Variants in LIMK1 observed in about 807,000 individuals in gnomAD.
The protein encoded by LIMK1 is LIM motif-containing protein kinase.
Under a neutral mutation model 77.6 loss-of-function variants are expected in LIMK1, and 21 were observed. The ratio of observed to expected loss-of-function variants is 0.27; its 90% CI spans 0.19 to 0.39. The LOEUF (loss-of-function observed/expected upper bound fraction) is 0.39, where lower values mean the gene tolerates loss of function less well. LIMK1 is among the 10% of genes least tolerant of loss of function. The pLI is 1.00. For synonymous variants in LIMK1, 358 were observed against 370.0 expected (o/e 0.97, Z 0.37); for missense variants, 696 against 901.6 (o/e 0.77, Z 2.92).
chr7:74,108,740 G>A (rs1052833574), intron 9 of LIMK1, among the ~76,000 whole-genome samples, 165 bp from the exon 10 acceptor site: 22 of 151,906 alleles, frequency 1.4e-4, no homozygotes, highest in Admixed American at 1.4e-3. Context: ...CTCAAGCAGA[G>A]GGCACAGGAC....
intron 2 of LIMK1, among the ~76,000 whole-genome samples, chr7:74,089,704 G>A (rs191205804): frequency 6.6e-6 from 1 of 152,116 alleles, no homozygotes; most frequent in Non-Finnish European, 1.5e-5. Flanking sequence ...GGGGACATGG[G>A]CTATCCATGG....
At chr7:74,120,741 GC>G in intron 14 of LIMK1, 103 bp downstream of exon 14, 1 of 1,548,712 alleles carries the variant, frequency 6.5e-7, no homozygotes. Flanking sequence ...CAGGAAGCCT[GC>G]CCACAGCAAG....
At position 74,099,237 on chromosome 7, in the gene LIMK1, G is replaced by C. The variant is rs149379462; in HGVS notation, c.607G>C (p.Gly203Arg). The change falls in exon 5 of 16, where the codon GGA becomes CGA. Residue 203 changes from glycine to arginine, a missense_variant and splice_region_variant. Physicochemically the swap from Gly to Arg is moderately radical, Grantham distance 125. Coordinates refer to ENST00000336180, the MANE Select transcript of LIMK1 (RefSeq NM_002314.4). ...TEHSHTVRVQ[G>R]VDPGCMSPDV... ...GCACTCACACACCGTCCGCGTCCAG[G>C]GGTGAGTGGCCGGCCTGCCGAGGCT... 3.5e-5 allele frequency: 56 copies of C among 1,603,132 alleles called. No homozygotes were observed. The African/African-American group carries it at 4.8e-4, about 14-fold the overall frequency.
intron 13 of LIMK1, among the ~76,000 whole-genome samples, chr7:74,120,375 G>A (rs1799905826): frequency 6.6e-6 from 1 of 152,184 alleles, no homozygotes. Flanking sequence ...TCTGCCCCTT[G>A]CTCCTCAGAG....
intron 4 of LIMK1, among the ~76,000 whole-genome samples, 189 bp downstream of exon 4, chr7:74,097,378 T>C (rs1368205529): frequency 6.6e-6 from 1 of 152,168 alleles, no homozygotes; most frequent in Non-Finnish European, 1.5e-5. Flanking sequence ...GAAGTCAGTG[T>C]GAAAAAGCCT....
chr7:74,088,065 A>G (rs746090467), intron 2 of LIMK1, among the ~76,000 whole-genome samples: 1 of 152,134 alleles, frequency 6.6e-6, no homozygotes. Flanking sequence ...ATAAGCCACC[A>G]TGCCCAGCCT....
At position 74,107,090 on chromosome 7, in the gene LIMK1, C is replaced by G; in HGVS notation, c.962C>G (p.Ser321Cys). 6.2e-7 allele frequency: 1 copy of G among 1,611,664 alleles called. No homozygotes were observed. The highest frequency in any genetic ancestry group is 1.1e-5 in the South Asian group (1 of 90,674). Reference protein sequence around the residue: ...PASQRKDLGRSESLRVVCRPH... With the variant: ...PASQRKDLGRCESLRVVCRPH... ...TCCCAGCGCAAGGACCTGGGTCGCT[C>G]TGAGTCCCTCCGCGTAGTCTGCCGG... The change falls in exon 8 of 16, where the codon TCT (serine) becomes TGT (cysteine). Residue 321 changes from serine (S) to cysteine (C), a missense_variant. Around this residue, in one of 3 missense-constraint regions of LIMK1, gnomAD observed 438 missense variants for 602.3 expected, o/e 0.73. Transcript: ENST00000336180.
chr7:74,088,791 G>A (rs1554694393), intron 2 of LIMK1, among the ~76,000 whole-genome samples: 1 of 128,924 alleles, frequency 7.8e-6, no homozygotes, highest in East Asian at 2.5e-4. Flanking sequence ...GACAGAGCGA[G>A]ACTCCATCTC....
At chr7:74,093,019 C>A (rs1799266733) in intron 2 of LIMK1, 2 of 929,140 alleles carry the variant, frequency 2.2e-6, no homozygotes, top group East Asian at 5.7e-5. Context: ...GCTCGCTCCC[C>A]ACCCGCACCA....
At chr7:74,103,591 TA>T (rs1325910665) in intron 5 of LIMK1, among the ~76,000 whole-genome samples, 1 of 152,218 alleles carries the variant, frequency 6.6e-6, no homozygotes, top group Non-Finnish European at 1.5e-5. Context: ...TTGTCATCAA[TA>T]AACCATTTGT....
intron 5 of LIMK1, among the ~76,000 whole-genome samples, chr7:74,105,659 C>A (rs1799553218): frequency 6.6e-6 from 1 of 152,152 alleles, no homozygotes; most frequent in South Asian, 2.1e-4. Flanking sequence ...AGCGTGCCAC[C>A]TTTCTCCAGC....
intron 13 of LIMK1, among the ~76,000 whole-genome samples, chr7:74,116,614 T>C (rs1300052808): frequency 6.6e-6 from 1 of 151,872 alleles, no homozygotes; most frequent in Non-Finnish European, 1.5e-5. Context: ...TGCCCCCTCC[T>C]CTGTCTTCAG....
rs1563914652 is a variant in LIMK1 at position 74,096,607 on chromosome 7, G to GC, written c.153-11dup. ...GGGCGGGAGTGGACGTCTCAGCCCG[G>GC]CCCCTCTCCTGCAGGTGTTGTGACT... On this transcript the variant is annotated splice_polypyrimidine_tract_variant and intron_variant, in intron 2 of 15. Coordinates refer to ENST00000336180, the MANE Select transcript of LIMK1 (RefSeq NM_002314.4). 6.2e-7 allele frequency: 1 copy of GC among 1,613,848 alleles called. No individual in the cohort carries two copies. Among genetic ancestry groups the GC allele is most frequent in the Admixed American group, 1.7e-5 (1 of 60,006 alleles).
At chr7:74,087,874 GC>G (rs1483027215) in intron 2 of LIMK1, among the ~76,000 whole-genome samples, 1 of 152,014 alleles carries the variant, frequency 6.6e-6, no homozygotes, top group Non-Finnish European at 1.5e-5. Flanking sequence ...ACAGGCATGA[GC>G]CACTGCACCT....
In LIMK1 at chr7:74,111,693, A is replaced by G; in HGVS notation, c.1330A>G (p.Ile444Val). The change falls in exon 11 of 16, where the codon ATC becomes GTC. Residue 444 changes from isoleucine to valine, a missense_variant. By Grantham distance (29) the Ile-to-Val change is conservative. Transcript: ENST00000336180. Reference sequence around the variant, plus strand: ...CCAGAGAGTGAGCTTTGCCAAGGACATCGCATCAGGGATGGTGAGTGAGCC... The same window carrying G: ...CCAGAGAGTGAGCTTTGCCAAGGACGTCGCATCAGGGATGGTGAGTGAGCC... ...WSQRVSFAKD[I>V]ASGMAYLHSM... 1 of 1,613,336 alleles carries G rather than the reference A, an allele frequency of 6.2e-7. No individual in the cohort carries two copies. Among genetic ancestry groups the G allele is most frequent in the Non-Finnish European group, 8.5e-7 (1 of 1,179,674 alleles).
chr7:74,084,006 C>T lies in LIMK1; in HGVS notation c.16C>T (p.Leu6Phe). The change falls in exon 1 of 16, where the codon CTT (leucine) becomes TTT (phenylalanine). Residue 6 changes from leucine (L) to phenylalanine (F), a missense_variant. Coordinates refer to ENST00000336180, the MANE Select transcript of LIMK1 (RefSeq NM_002314.4). MRLTLLCCTWREERMG... is the reference protein window; with the variant it reads MRLTLFCCTWREERMG... ...CGTCGAGTGCATGAGGTTGACGCTA[C>T]TTTGTTGCACCTGGAGGGAAGAACG... 7 of 1,474,658 alleles carry T rather than the reference C, an allele frequency of 4.7e-6. No homozygotes were observed. The highest frequency in any genetic ancestry group is 6.3e-6 in the Non-Finnish European group (7 of 1,105,060). 91.3% of individuals were successfully genotyped at this position (1,474,658 alleles called of 1,614,324 possible). A position where few individuals can be genotyped will look rare whatever the true frequency, so the allele number is the denominator to read the frequency against.
intron 2 of LIMK1, among the ~76,000 whole-genome samples, chr7:74,087,914 T>A (rs1314559006): frequency 1.3e-5 from 2 of 151,928 alleles, no homozygotes; most frequent in Non-Finnish European, 2.9e-5. Flanking sequence ...TGTTTCTTCT[T>A]TTCTTTTTTT....
intron 5 of LIMK1, among the ~76,000 whole-genome samples, chr7:74,099,800 C>T (rs560939783): frequency 2.0e-5 from 3 of 151,924 alleles, no homozygotes; most frequent in Non-Finnish European, 4.4e-5. Flanking sequence ...TCTGATCCAA[C>T]AAGAAAGAGG....
intron 5 of LIMK1, among the ~76,000 whole-genome samples, chr7:74,100,920 G>A (rs947019689): frequency 2.7e-5 from 4 of 150,646 alleles, no homozygotes; most frequent in South Asian, 4.2e-4. Flanking sequence ...TTTATATTTA[G>A]TAGAGACAGG....
Sources: allele counts gnomAD v4.1 joint callset (sites outside exome capture counted in the v4.1 genomes callset), GRCh38; gene constraint gnomAD v4.1.1; regional missense constraint gnomAD v4.1.1; transcripts MANE v1.5; gene names NCBI Gene and HGNC (gene_info 2026-07-23, HGNC 2026-07-21).